ATG4D: variants seen among roughly 807,000 people sequenced by gnomAD.
ATG4D encodes autophagy related 4D cysteine peptidase, also known as cysteine protease ATG4D.
A neutral mutation model predicts 55.2 loss-of-function variants in ATG4D; 51 were observed. That is an observed-to-expected ratio of 0.92 (90% CI 0.74 to 1.17). The LOEUF (loss-of-function observed/expected upper bound fraction) is 1.17, where lower values mean the gene tolerates loss of function less well. Among genes scored for constraint, ATG4D ranks in the 50% most tolerant of loss-of-function variants. The pLI, the probability that ATG4D is intolerant of heterozygous loss-of-function variation, is 0.00. For synonymous variants in ATG4D, 268 were observed against 266.2 expected, an observed-to-expected ratio of 1.01 and a Z score of -0.07; for missense variants, 635 against 649.6, an observed-to-expected ratio of 0.98 and a Z score of 0.25.
chr19:10,545,374 C>G (rs1916001348), intron 3 of ATG4D, among the ~76,000 whole-genome samples: 1 of 150,812 alleles, frequency 6.6e-6, no homozygotes, highest in Non-Finnish European at 1.5e-5. Context: ...GAGTTCAAGA[C>G]CAGCCTGGCC....
chr19:10,549,525 C>A (rs141267613), intron 6 of ATG4D, among the ~76,000 whole-genome samples: 350 of 152,200 alleles, frequency 2.3e-3, no homozygotes, highest in African/African-American at 8.1e-3. Context: ...TCAAGCAATT[C>A]TCCTGCCTCA....
At position 10,553,003 on chromosome 19, in the gene ATG4D, TC is replaced by T; in HGVS notation, c.1364del (p.Pro455LeufsTer25). ...CSQLAQPTLR[L>X]PRTGRLLRAK... ...CAGCTCGCCCAGCCCACACTCCGGC[TC>T]CCTCGCACAGGGCGGCTCCTCAGGG... is the stretch of plus-strand genomic sequence containing the variant. On this transcript the variant is annotated frameshift_variant, in exon 10 of 10. Transcript: ENST00000309469. LOFTEE classifies it high-confidence loss of function. 1 of 1,613,018 alleles carries T rather than the reference TC, an allele frequency of 6.2e-7. No homozygotes were observed. Among genetic ancestry groups the T allele is most frequent in the Non-Finnish European group, 8.5e-7 (1 of 1,179,960 alleles).
chr19:10,552,179 G>A, intron 8 of ATG4D, 26 bp from the exon 9 acceptor site: 1 of 1,610,734 alleles, frequency 6.2e-7, no homozygotes, highest in Non-Finnish European at 8.5e-7. Flanking sequence ...CCCAGCCTCT[G>A]AGCCTTCCTC....
Position 10,551,946 on chromosome 19 carries a change from G to A in ATG4D, c.1016G>A (p.Arg339Gln), listed in dbSNP as rs751227053. The change falls in exon 7 of 10, where the codon CGA becomes CAA. Residue 339 changes from arginine (R) to glutamine (Q), a missense_variant. Coordinates refer to ENST00000309469, the MANE Select transcript of ATG4D (RefSeq NM_032885.6). ...LCLGIMGGKP[R>Q]HSLYFIGYQD... Reference sequence around the variant, plus strand: ...CTGGGCATCATGGGTGGGAAACCGCGACACTCACTGTACTTCATTGGCTAC... The same window carrying A: ...CTGGGCATCATGGGTGGGAAACCGCAACACTCACTGTACTTCATTGGCTAC... 85 of 1,613,620 alleles carry A rather than the reference G, an allele frequency of 5.3e-5. No homozygotes were observed. Among genetic ancestry groups the A allele is most frequent in the South Asian group, 1.2e-4 (11 of 91,044 alleles).
intron 8 of ATG4D, 24 bp downstream of exon 8, chr19:10,552,145 G>A: frequency 6.2e-7 from 1 of 1,612,052 alleles, no homozygotes; most frequent in East Asian, 2.2e-5. Context: ...CCAGTGTGTG[G>A]TTGGGGCCAT....
Position 10,544,054 on chromosome 19 carries a change from C to T in ATG4D, c.-37C>T. The T allele has an allele frequency of 8.2e-7, 1 of 1,220,302 alleles. No homozygotes were observed. The highest frequency in any genetic ancestry group is 1.0e-6 in the Non-Finnish European group (1 of 975,364). The allele number at this position is 1,220,302 out of a possible 1,614,324, so 75.6% of individuals were successfully genotyped here. On this transcript the variant is annotated 5_prime_UTR_variant, in exon 1 of 10. Coordinates refer to ENST00000309469, the MANE Select transcript of ATG4D (RefSeq NM_032885.6). ...CCTTGGGGGGCAGCGGCCGCAGCCC[C>T]CCACCTGGGCCCTCGGTCCGCCCTC... is the stretch of plus-strand genomic sequence containing the variant.
In ATG4D at chr19:10,545,051, G is replaced by C; in HGVS notation, c.414G>C (p.Ser138=). The C allele has an allele frequency of 6.2e-7, 1 of 1,613,436 alleles. No individual in the cohort carries two copies. The highest frequency in any genetic ancestry group is 8.5e-7 in the Non-Finnish European group (1 of 1,179,930). The change falls in exon 3 of 10, where the codon TCG becomes TCC. Residue 138 remains serine, a synonymous_variant. Transcript: ENST00000309469. ...FPPLPGGCLT[S]DCGWGCMLRS... Reference sequence around the variant, plus strand: ...CCCTTCCTGGGGGCTGCCTGACCTCGGACTGTGGCTGGGGGTGCATGTTAC... The same window carrying C: ...CCCTTCCTGGGGGCTGCCTGACCTCCGACTGTGGCTGGGGGTGCATGTTAC...
intron 2 of ATG4D, 27 bp from the exon 3 acceptor site, chr19:10,544,930 T>G: frequency 6.3e-7 from 1 of 1,582,664 alleles, no homozygotes; most frequent in East Asian, 2.2e-5. Flanking sequence ...GTGTCCCTGG[T>G]GGCAGCTGAC....
In ATG4D at chr19:10,553,147, G is replaced by T. The variant is rs1696112956; in HGVS notation, c.*80G>T. 6.9e-7 allele frequency: 1 copy of T among 1,453,500 alleles called. No homozygotes were observed. Among genetic ancestry groups the T allele is most frequent in the African/African-American group, 1.4e-5 (1 of 70,516 alleles). The allele number at this position is 1,453,500 out of a possible 1,614,324, so 90.0% of individuals were successfully genotyped here. ...GTCGGGTGTGGGATCTTGAGCTCTG[G>T]CAGTGATGATGGTACTTCCTGTTGT... On this transcript the variant is annotated 3_prime_UTR_variant, in exon 10 of 10. Transcript: ENST00000309469.
chr19:10,551,402 C>T (rs559947864), intron 6 of ATG4D, among the ~76,000 whole-genome samples: 66 of 151,774 alleles, frequency 4.3e-4, no homozygotes, highest in African/African-American at 1.5e-3. Context: ...ATGGAGGTTT[C>T]GGTGAGCCAA....
At chr19:10,550,077 G>A (rs1916173916) in intron 6 of ATG4D, among the ~76,000 whole-genome samples, 2 of 151,886 alleles carry the variant, frequency 1.3e-5, no homozygotes, top group Admixed American at 6.6e-5. Flanking sequence ...ACACCGTCTT[G>A]GCTCACTGCA....
At chr19:10,545,865 T>C (rs1366450542) in intron 3 of ATG4D, among the ~76,000 whole-genome samples, 3 of 147,376 alleles carry the variant, frequency 2.0e-5, no homozygotes, top group South Asian at 2.1e-4. Flanking sequence ...AGACTCAGTC[T>C]CAAAAAAAAA....
rs10423349 is a variant in ATG4D, at chr19:10,544,081, C to T, written c.-10C>T. On this transcript the variant is annotated 5_prime_UTR_variant, in exon 1 of 10. Transcript: ENST00000309469. Reference sequence around the variant, plus strand: ...CACCTGGGCCCTCGGTCCGCCCTCCCGGCGCGTCCATGAACTCAGTGTCGC... The same window carrying T: ...CACCTGGGCCCTCGGTCCGCCCTCCTGGCGCGTCCATGAACTCAGTGTCGC... 1.1e-3 allele frequency: 1,321 copies of T among 1,236,410 alleles called. 8 individuals carry two copies. The African/African-American group carries it at 0.019, about 18-fold the overall frequency. The allele number at this position is 1,236,410 out of a possible 1,614,324, so 76.6% of individuals were successfully genotyped here.
chr19:10,550,667 C>G (rs1335253830), intron 6 of ATG4D, among the ~76,000 whole-genome samples: 1 of 151,870 alleles, frequency 6.6e-6, no homozygotes. Flanking sequence ...CGCTTGCTGC[C>G]CCTGCTGCTT....
intron 9 of ATG4D, 149 bp downstream of exon 9, chr19:10,552,473 C>T: frequency 1.0e-5 from 12 of 1,164,010 alleles, no homozygotes; most frequent in African/African-American, 1.5e-5. Flanking sequence ...AATGTCCACC[C>T]CTGAAAAGGT....
At chr19:10,551,501 C>T (rs779907186) in intron 6 of ATG4D, among the ~76,000 whole-genome samples, 8 of 151,082 alleles carry the variant, frequency 5.3e-5, no homozygotes, top group Non-Finnish European at 8.8e-5. Context: ...AGTTCCAGAC[C>T]AGCCTGGCTA....
chr19:10,552,272 T>C lies in ATG4D; in HGVS notation c.1190T>C (p.Phe397Ser). The C allele has an allele frequency of 6.2e-7, 1 of 1,613,664 alleles. No homozygotes were observed. The highest frequency in any genetic ancestry group is 2.2e-5 in the East Asian group (1 of 44,874). Residue 397 changes from phenylalanine (F) to serine (S), a missense_variant, in exon 9 of 10, where the codon TTC becomes TCC. Physicochemically the swap from Phe to Ser is radical, Grantham distance 155. Coordinates refer to ENST00000309469, the MANE Select transcript of ATG4D (RefSeq NM_032885.6). ...ATGGACCCAAGCTGTACCGTGGGCT[T>C]CTATGCTGGAGACAGGAAGGAGTTT... ...AKMDPSCTVG[F>S]YAGDRKEFET... is the part of the protein sequence containing the mutation.
rs745342385 is a variant in ATG4D at position 10,545,048 on chromosome 19, C to G, written c.411C>G (p.Thr137=). ...CGCCCCTTCCTGGGGGCTGCCTGAC[C>G]TCGGACTGTGGCTGGGGGTGCATGT... The part of the protein sequence containing the change: ...DFPPLPGGCL[T]SDCGWGCMLR... The change falls in exon 3 of 10, where the codon ACC becomes ACG. Residue 137 remains threonine (T), a synonymous_variant. Transcript: ENST00000309469. The G allele has an allele frequency of 6.2e-7, 1 of 1,613,482 alleles. No individual in the cohort carries two copies. Among genetic ancestry groups the G allele is most frequent in the Non-Finnish European group, 8.5e-7 (1 of 1,179,892 alleles).
Position 10,544,098 on chromosome 19 carries a change from C to T in ATG4D, c.8C>T (p.Ser3Leu), listed in dbSNP as rs949140508. ...CGCCCTCCCGGCGCGTCCATGAACT[C>T]AGTGTCGCCGGCCGCCGCGCAGTAC... Reference protein sequence around the residue: MNSVSPAAAQYRS... With the variant: MNLVSPAAAQYRS... Residue 3 changes from serine (S) to leucine (L), a missense_variant, in exon 1 of 10, where the codon TCA (serine) becomes TTA (leucine). Transcript: ENST00000309469. 7 of 1,240,044 alleles carry T rather than the reference C, an allele frequency of 5.6e-6. No individual in the cohort carries two copies. The East Asian group carries it at 1.3e-4, about 23-fold the overall frequency. The allele number at this position is 1,240,044 out of a possible 1,614,324, so 76.8% of individuals were successfully genotyped here.
Sources: gnomAD v4.1 joint callset for allele counts (sites outside exome capture counted in the v4.1 genomes callset) on GRCh38, gnomAD v4.1.1 for gene constraint, MANE v1.5 for transcripts, NCBI Gene and HGNC (gene_info 2026-07-23, HGNC 2026-07-21) for gene names.